PBX1: variants seen among roughly 807,000 people sequenced by gnomAD.
The protein encoded by PBX1 is PBX homeobox 1.
PBX1 carries 6 observed loss-of-function variants against 53.4 expected under a neutral mutation model. The ratio of observed to expected loss-of-function variants is 0.11; its 90% CI spans 0.06 to 0.22. The LOEUF (loss-of-function observed/expected upper bound fraction) is 0.22, where lower values mean the gene tolerates loss of function less well. PBX1 is among the 10% of genes least tolerant of loss of function. The pLI, the probability that PBX1 is intolerant of heterozygous loss-of-function variation, is 1.00. For missense variants in PBX1, 251 were observed against 551.4 expected (o/e 0.46, Z 5.46); for synonymous variants, 204 against 212.3 (o/e 0.96, Z 0.34).
rs1391481930 is a variant in PBX1 at position 164,850,793 on chromosome 1, G to A, written c.*4117G>A. The A allele has an allele frequency of 4.8e-6, 1 of 207,374 alleles. No individual in the cohort carries two copies. Among genetic ancestry groups the A allele is most frequent in the Non-Finnish European group, 9.8e-6 (1 of 101,580 alleles). The allele number at this position is 207,374 out of a possible 1,614,324, so 12.8% of individuals were successfully genotyped here. ...TTTAGCCTTTTAAAAATTCAAAAAC[G>A]TTTAGTCCAAGGGAACTTTTTATGC... is the stretch of plus-strand genomic sequence containing the variant. On this transcript the variant is annotated 3_prime_UTR_variant, in exon 9 of 9. Transcript: ENST00000420696.
chr1:164,879,705 A>G (rs886642418), intron 2 of PBX1, among the ~76,000 whole-genome samples: 11 of 152,220 alleles, frequency 7.2e-5, no homozygotes, highest in Admixed American at 1.3e-4. Flanking sequence ...CCCAATACCA[A>G]TATACCAAGG....
chr1:164,718,210 T>C (rs1664213417), intron 2 of PBX1, among the ~76,000 whole-genome samples: 1 of 152,262 alleles, frequency 6.6e-6, no homozygotes, highest in Non-Finnish European at 1.5e-5. Flanking sequence ...ATTTGCCATA[T>C]ACATTAATGT....
chr1:164,580,073 A>C (rs1236996392), intron 2 of PBX1, among the ~76,000 whole-genome samples: 1 of 152,184 alleles, frequency 6.6e-6, no homozygotes, highest in African/African-American at 2.4e-5. Flanking sequence ...CTTCCAAGGA[A>C]ATCCAGTGGA....
At chr1:164,701,138 A>C (rs951127502) in intron 2 of PBX1, among the ~76,000 whole-genome samples, 1 of 151,662 alleles carries the variant, frequency 6.6e-6, no homozygotes, top group Non-Finnish European at 1.5e-5. Flanking sequence ...GCCTTTTTGC[A>C]TTTTTTTTTC....
chr1:164,813,157 G>A (rs568130598), intron 6 of PBX1: 6 of 152,272 alleles, frequency 3.9e-5, no homozygotes, highest in South Asian at 4.1e-4. Context: ...ACAGCGACTC[G>A]TTACTGGAGA....
intron 2 of PBX1, among the ~76,000 whole-genome samples, chr1:164,776,978 A>AGAGGGGGTGTGG (rs1553244687): frequency 2.2e-5 from 1 of 46,442 alleles, no homozygotes; most frequent in African/African-American, 1.2e-4. Context: ...AGAGAGAGAG[A>AGAGGGGGTGTGG]GGAGGTGTGG....
rs59042806 is a variant in PBX1 at position 164,724,670 on chromosome 1, A to ATTTT, written c.266-67788_266-67785dup. Among the ~76,000 whole-genome samples, 55 of 48,238 alleles carry ATTTT rather than the reference A, an allele frequency of 1.1e-3. 12 individuals are homozygous for ATTTT. The highest frequency in any genetic ancestry group is 1.8e-3 in the Admixed American group (5 of 2,706). The allele number at this position is 48,238 out of a possible 152,430, so 31.6% of individuals were successfully genotyped here. A position where few individuals can be genotyped will look rare whatever the true frequency, so the allele number is the denominator to read the frequency against. ...CAGATGCCCATTGCAATAGCTGCAGATTTTTTTTTTTTTTTTTTTTTTTTT... is the reference window on the plus strand; with the variant it reads ...CAGATGCCCATTGCAATAGCTGCAGATTTTTTTTTTTTTTTTTTTTTTTTTTTTT... On this transcript the variant is annotated intron_variant, in intron 2 of 8. Transcript: ENST00000420696.
At chr1:164,719,625 C>T (rs887507348) in intron 2 of PBX1, among the ~76,000 whole-genome samples, 6 of 152,226 alleles carry the variant, frequency 3.9e-5, no homozygotes, top group South Asian at 2.1e-4. Flanking sequence ...GATGCTATGC[C>T]ATGTCCCAGT....
chr1:164,868,387 G>A (rs562953315), intron 2 of PBX1, among the ~76,000 whole-genome samples: 29 of 152,248 alleles, frequency 1.9e-4, no homozygotes, highest in Non-Finnish European at 1.3e-4. Context: ...GGCTTTTGTT[G>A]GGACATCTCC....
intron 2 of PBX1, among the ~76,000 whole-genome samples, chr1:164,603,928 C>CTTTTTTTTTTTTTTTTTTT (rs1557885817): frequency 2.1e-5 from 1 of 48,730 alleles, no homozygotes. Context: ...TATGTCATTT[C>CTTTTTTTTTTTTTTTTTTT]ATTTTTTTTT....
At chr1:164,700,524 T>C in intron 2 of PBX1, 1 of 985,390 alleles carries the variant, frequency 1.0e-6, no homozygotes. Flanking sequence ...TACTAGCTGT[T>C]TACCACTGAC....
intron 2 of PBX1, among the ~76,000 whole-genome samples, chr1:164,667,363 TATATA>T (rs1377549043): frequency 6.6e-6 from 1 of 150,716 alleles, no homozygotes; most frequent in African/African-American, 2.4e-5. Context: ...TAATATAATC[TATATA>T]ATATAATGTA....
In PBX1 at chr1:164,873,969, G is replaced by A. The variant is rs533931622; in HGVS notation, n.258-25219G>A. On this transcript the variant is annotated intron_variant and non_coding_transcript_variant, in intron 2 of 2. Transcript: ENST00000558796. ...ATAAAGTTTTGTAGTAGTTTATTTT[G>A]TGGAGATACATTTGACCCAAGATTA... Among the ~76,000 whole-genome samples the A allele has an allele frequency of 2.0e-5, 3 of 149,498 alleles. No individual in the cohort carries two copies. The South Asian group carries it at 6.4e-4, about 32-fold the overall frequency.
intron 2 of PBX1, among the ~76,000 whole-genome samples, chr1:164,858,486 C>A (rs1672024950): frequency 1.3e-5 from 2 of 151,806 alleles, no homozygotes; most frequent in Admixed American, 1.3e-4. Flanking sequence ...CACGCTGTGG[C>A]TGACAGCAAA....
chr1:164,846,470 C>T (rs1671573103), intron 8 of PBX1, 114 bp from the exon 9 acceptor site: 2 of 855,378 alleles, frequency 2.3e-6, no homozygotes, highest in African/African-American at 1.6e-5. Flanking sequence ...ATGAGTGTCT[C>T]CATGTGCCAG....
intron 6 of PBX1, chr1:164,816,977 A>C (rs369827961): frequency 3.3e-5 from 5 of 152,304 alleles, no homozygotes; most frequent in African/African-American, 1.2e-4. Context: ...ATGTCTGCCC[A>C]AGCAAATGCA....
chr1:164,565,519 G>A (rs939274216), intron 2 of PBX1, among the ~76,000 whole-genome samples: 2 of 151,842 alleles, frequency 1.3e-5, no homozygotes, highest in African/African-American at 4.8e-5. Flanking sequence ...CTCCCTCTTA[G>A]TCTTCAACTT....
At chr1:164,747,463 A>G (rs907313073) in intron 2 of PBX1, among the ~76,000 whole-genome samples, 4 of 152,164 alleles carry the variant, frequency 2.6e-5, no homozygotes, top group Non-Finnish European at 5.9e-5. Context: ...TATGGATGTA[A>G]CATAACAGTA....
intron 2 of PBX1, among the ~76,000 whole-genome samples, chr1:164,719,052 T>C (rs1417856775): frequency 2.6e-5 from 4 of 152,132 alleles, no homozygotes; most frequent in Admixed American, 6.5e-5. Context: ...AGAATTCTAC[T>C]CAGCCTTGCT....
Sources: allele counts gnomAD v4.1 joint callset (sites outside exome capture counted in the v4.1 genomes callset), GRCh38; gene constraint gnomAD v4.1.1; transcripts MANE v1.5; gene names NCBI Gene and HGNC (gene_info 2026-07-23, HGNC 2026-07-21).